CLMP: variants seen among roughly 807,000 people sequenced by gnomAD.
CLMP encodes CXADR-like membrane protein.
A neutral mutation model predicts 45.2 loss-of-function variants in CLMP; 27 were observed. The observed-to-expected ratio is 0.60, with a 90% confidence interval of 0.44 to 0.82. CLMP has a LOEUF of 0.82. Ranked by LOEUF, CLMP falls within the 40% of genes least tolerant of loss-of-function variation. The pLI is 0.00. For missense variants in CLMP, 403 were observed against 448.4 expected, an observed-to-expected ratio of 0.90 and a Z score of 0.91; for synonymous variants, 167 against 171.4, an observed-to-expected ratio of 0.97 and a Z score of 0.20.
intron 1 of CLMP, among the ~76,000 whole-genome samples, chr11:123,098,545 G>T (rs1368884181): frequency 1.3e-5 from 2 of 151,532 alleles, no homozygotes; most frequent in African/African-American, 2.4e-5. Flanking sequence ...TTGTTTGTTT[G>T]TTTTTAGAGA....
At chr11:123,162,508 A>C (rs923890062) in intron 1 of CLMP, among the ~76,000 whole-genome samples, 2 of 152,200 alleles carry the variant, frequency 1.3e-5, no homozygotes, top group Non-Finnish European at 2.9e-5. Context: ...GGGATGAATT[A>C]ATTGAGGGCT....
At position 123,119,136 on chromosome 11, in the gene CLMP, T is replaced by A. The variant is rs888001974; in HGVS notation, c.29-21184A>T. Among the ~76,000 whole-genome samples the A allele has an allele frequency of 4.1e-5, 6 of 145,634 alleles. No homozygotes were observed. In the East Asian group the frequency reaches 6.4e-4, roughly 16 times the overall value. On this transcript the variant is annotated intron_variant, in intron 1 of 6. Coordinates refer to ENST00000448775, the MANE Select transcript of CLMP (RefSeq NM_024769.5). ...TTCACTCTTGTTGCCCAGGCTGGAG[T>A]GCAATGGCATGATCTTGGCTCACCA...
At position 123,073,657 on chromosome 11, in the gene CLMP, G is replaced by A; in HGVS notation, c.939C>T (p.Arg313=). The A allele has an allele frequency of 6.2e-7, 1 of 1,614,256 alleles. No individual in the cohort carries two copies. Among genetic ancestry groups the A allele is most frequent in the Non-Finnish European group, 8.5e-7 (1 of 1,180,046 alleles). The part of the protein sequence containing the change: ...STRSTANSAS[R]SQRTLSTDAA... Reference sequence around the variant, plus strand: ...CGTCAGTTGACAGTGTCCGCTGGCTGCGTGAGGCACTATTTGCTGTGGAGC... The same window carrying A: ...CGTCAGTTGACAGTGTCCGCTGGCTACGTGAGGCACTATTTGCTGTGGAGC... The change falls in exon 7 of 7, where the codon CGC becomes CGT. Residue 313 remains arginine, a synonymous_variant. Coordinates refer to ENST00000448775, the MANE Select transcript of CLMP (RefSeq NM_024769.5).
Position 123,124,170 on chromosome 11 carries a change from A to G in CLMP, c.29-26218T>C, listed in dbSNP as rs1255023832. 3.9e-5 allele frequency among the ~76,000 whole-genome samples: 6 copies of G among 152,106 alleles called. No homozygotes were observed. In the South Asian group the frequency reaches 1.0e-3, roughly 26 times the overall value. On this transcript the variant is annotated intron_variant, in intron 1 of 6. Coordinates refer to ENST00000448775, the MANE Select transcript of CLMP (RefSeq NM_024769.5). ...TAACAACAAGTGTCCGCTTTTATCT[A>G]TAATTTTCTTTTTCTTTCTTTTTTT...
At chr11:123,074,017 G>A (rs1865705358) in intron 6 of CLMP, among the ~76,000 whole-genome samples, 1 of 152,080 alleles carries the variant, frequency 6.6e-6, no homozygotes, top group South Asian at 2.1e-4. Context: ...CCATTGAGAT[G>A]GTCTAGACAG....
intron 1 of CLMP, among the ~76,000 whole-genome samples, chr11:123,150,970 T>C (rs1006320683): frequency 6.6e-6 from 1 of 152,176 alleles, no homozygotes; most frequent in Non-Finnish European, 1.5e-5. Flanking sequence ...CCCAAAGTGC[T>C]GGGATTACAG....
chr11:123,111,195 A>G (rs970724077), intron 1 of CLMP, among the ~76,000 whole-genome samples: 1 of 151,988 alleles, frequency 6.6e-6, no homozygotes, highest in Non-Finnish European at 1.5e-5. Context: ...GCTGGAGTGC[A>G]GTGGCACGAT....
intron 1 of CLMP, among the ~76,000 whole-genome samples, chr11:123,130,948 T>G (rs1190627694): frequency 6.6e-6 from 1 of 151,506 alleles, no homozygotes; most frequent in African/African-American, 2.4e-5. Context: ...GTTCAAATGA[T>G]TCTCCTGCCT....
At chr11:123,125,422 G>C (rs1002897733) in intron 1 of CLMP, among the ~76,000 whole-genome samples, 1 of 150,018 alleles carries the variant, frequency 6.7e-6, no homozygotes, top group Non-Finnish European at 1.5e-5. Flanking sequence ...GATGTGGACC[G>C]GGGCCACGTT....
intron 1 of CLMP, among the ~76,000 whole-genome samples, chr11:123,098,281 G>A (rs1290888697): frequency 6.6e-6 from 1 of 151,800 alleles, no homozygotes; most frequent in East Asian, 1.9e-4. Context: ...AGGCTGGAGT[G>A]CAATGGCATG....
At chr11:123,178,363 GT>G (rs1357041088) in intron 1 of CLMP, among the ~76,000 whole-genome samples, 2 of 152,148 alleles carry the variant, frequency 1.3e-5, no homozygotes, top group Non-Finnish European at 2.9e-5. Context: ...ATATCCAAGT[GT>G]GCATCATTCC....
chr11:123,164,700 G>T (rs900479894), intron 1 of CLMP, among the ~76,000 whole-genome samples: 1 of 151,848 alleles, frequency 6.6e-6, no homozygotes, highest in Admixed American at 6.6e-5. Flanking sequence ...ACACAACATT[G>T]TACTTGTTTA....
chr11:123,075,752 A>G (rs977305488), intron 5 of CLMP, among the ~76,000 whole-genome samples: 1 of 152,148 alleles, frequency 6.6e-6, no homozygotes, highest in Non-Finnish European at 1.5e-5. Flanking sequence ...TGGGAGAGAA[A>G]TCATAGCATG....
intron 5 of CLMP, among the ~76,000 whole-genome samples, 161 bp from the exon 6 acceptor site, chr11:123,075,004 G>A (rs1865721080): frequency 6.6e-6 from 1 of 151,186 alleles, no homozygotes; most frequent in African/African-American, 2.4e-5. Context: ...TGCCCAGGCT[G>A]GGGTGCAGTG....
intron 1 of CLMP, among the ~76,000 whole-genome samples, chr11:123,187,744 C>A (rs1861853266): frequency 6.6e-6 from 1 of 151,996 alleles, no homozygotes; most frequent in South Asian, 2.1e-4. Context: ...GTGTCACTGG[C>A]AGGTTGTGAT....
chr11:123,174,985 G>A (rs554506722), intron 1 of CLMP, among the ~76,000 whole-genome samples: 58 of 152,220 alleles, frequency 3.8e-4, no homozygotes, highest in East Asian at 9.7e-4. Flanking sequence ...ACAAGATCTC[G>A]TTCTGTCACG....
At chr11:123,078,838 G>A (rs1022818859) in intron 5 of CLMP, among the ~76,000 whole-genome samples, 3 of 152,076 alleles carry the variant, frequency 2.0e-5, no homozygotes, top group Admixed American at 6.6e-5. Context: ...TAGAGATGGC[G>A]TTTCACCATG....
At chr11:123,191,239 G>A (rs921865816) in intron 1 of CLMP, among the ~76,000 whole-genome samples, 8 of 152,074 alleles carry the variant, frequency 5.3e-5, no homozygotes, top group Non-Finnish European at 1.0e-4. Flanking sequence ...ATCATCACTA[G>A]ATGCATTCAT....
chr11:123,140,563 C>T (rs1861139509), intron 1 of CLMP, among the ~76,000 whole-genome samples: 1 of 152,056 alleles, frequency 6.6e-6, no homozygotes, highest in Non-Finnish European at 1.5e-5. Flanking sequence ...TTATACCTCC[C>T]CTCTACCCCC....
Sources: allele counts gnomAD v4.1 joint callset (sites outside exome capture counted in the v4.1 genomes callset), GRCh38; gene constraint gnomAD v4.1.1; transcripts MANE v1.5; gene names NCBI Gene and HGNC (gene_info 2026-07-23, HGNC 2026-07-21).